RPS6KA2: variants seen among roughly 807,000 people sequenced by gnomAD.
The protein encoded by RPS6KA2 is ribosomal protein S6 kinase alpha-2.
RPS6KA2 carries 42 observed loss-of-function variants against 91.8 expected under a neutral mutation model. The observed-to-expected ratio is 0.46, with a 90% CI of 0.36 to 0.59. The LOEUF (loss-of-function observed/expected upper bound fraction) is 0.59. Ranked by LOEUF, RPS6KA2 falls within the 20% of genes least tolerant of loss-of-function variation. RPS6KA2 has a pLI of 0.00. For missense variants in RPS6KA2, 798 were observed against 978.5 expected (o/e 0.82, Z 2.46); for synonymous variants, 414 against 393.6 (o/e 1.05, Z -0.61).
chr6:166,515,203 G>A (rs1488531026), intron 3 of RPS6KA2, among the ~76,000 whole-genome samples: 1 of 152,214 alleles, frequency 6.6e-6, no homozygotes, highest in Non-Finnish European at 1.5e-5. Context: ...TGTGAAAGAA[G>A]TGTTTGGTGG....
intron 14 of RPS6KA2, among the ~76,000 whole-genome samples, chr6:166,440,821 G>A (rs1779496103): frequency 6.6e-6 from 1 of 152,198 alleles, no homozygotes; most frequent in Admixed American, 6.5e-5. Context: ...GATATTTCGC[G>A]GCAAAGTTAT....
Position 166,666,006 on chromosome 6 carries a change from C to T in RPS6KA2, c.124-127222G>A, listed in dbSNP as rs1380889962. 6.6e-6 allele frequency among the ~76,000 whole-genome samples: 1 copy of T among 152,156 alleles called. No individual in the cohort carries two copies. The highest frequency in any genetic ancestry group is 6.5e-5 in the Admixed American group (1 of 15,282). ...ATAGCTTAAATCAAGTGGAAAAGCCCACATCACCACAGGCTGCGATCTGAA... is the reference window on the plus strand; with the variant it reads ...ATAGCTTAAATCAAGTGGAAAAGCCTACATCACCACAGGCTGCGATCTGAA... On this transcript the variant is annotated intron_variant, in intron 2 of 21. Coordinates refer to the RPS6KA2 transcript ENST00000503859. The surrounding 1 kb of genome is among the most constrained non-coding windows in gnomAD (Gnocchi z 4.0).
chr6:166,506,999 C>T (rs1380172118), intron 5 of RPS6KA2, among the ~76,000 whole-genome samples: 1 of 152,038 alleles, frequency 6.6e-6, no homozygotes, highest in Non-Finnish European at 1.5e-5. Context: ...GAAGTTGCAT[C>T]CTGGAGGGTT....
chr6:166,861,825 G>C (rs1781052915), intron 1 of RPS6KA2, among the ~76,000 whole-genome samples: 1 of 152,240 alleles, frequency 6.6e-6, no homozygotes, highest in Non-Finnish European at 1.5e-5. Flanking sequence ...TAGACTTTAA[G>C]AAGCATCCTG....
At chr6:166,414,446 T>C (rs1778429818) in intron 19 of RPS6KA2, among the ~76,000 whole-genome samples, 1 of 152,226 alleles carries the variant, frequency 6.6e-6, no homozygotes, top group African/African-American at 2.4e-5. Flanking sequence ...TCCATTTCAT[T>C]GTAAAGTCGT....
At chr6:166,786,607 T>C (rs1261315324) in intron 2 of RPS6KA2, among the ~76,000 whole-genome samples, 1 of 152,200 alleles carries the variant, frequency 6.6e-6, no homozygotes, top group East Asian at 1.9e-4. Context: ...GCTAGGTTAA[T>C]AGATATTGCC....
At chr6:166,486,545 G>A (rs1468213478) in intron 10 of RPS6KA2, among the ~76,000 whole-genome samples, 6 of 152,226 alleles carry the variant, frequency 3.9e-5, no homozygotes, top group Non-Finnish European at 8.8e-5. Flanking sequence ...CTTGACTGGG[G>A]ACAGCGCTAT....
At chr6:166,511,785 A>C (rs1479435550) in intron 3 of RPS6KA2, among the ~76,000 whole-genome samples, 2 of 152,272 alleles carry the variant, frequency 1.3e-5, no homozygotes, top group Non-Finnish European at 2.9e-5. Context: ...AATAATAAAA[A>C]GAAAATAGAA....
At chr6:166,718,678 C>G (rs1014744258) in intron 2 of RPS6KA2, among the ~76,000 whole-genome samples, 1 of 152,206 alleles carries the variant, frequency 6.6e-6, no homozygotes, top group Admixed American at 6.5e-5. Flanking sequence ...TACTTCAATA[C>G]AGACGTATCT....
At chr6:166,503,268 G>A (rs1257225574) in intron 6 of RPS6KA2, among the ~76,000 whole-genome samples, 2 of 152,132 alleles carry the variant, frequency 1.3e-5, no homozygotes, top group Admixed American at 6.5e-5. Context: ...CCACGGACTG[G>A]TGGTGAAGTC....
chr6:166,489,016 GT>G, intron 9 of RPS6KA2, 95 bp from the exon 10 acceptor site: 3 of 1,042,766 alleles, frequency 2.9e-6, no homozygotes, highest in Non-Finnish European at 4.3e-6. Flanking sequence ...CTCAATCGCA[GT>G]CACCCAGAGC....
Position 166,486,756 on chromosome 6 carries a change from G to A in RPS6KA2, c.907+2077C>T, listed in dbSNP as rs1781425231. Among the ~76,000 whole-genome samples the A allele has an allele frequency of 2.6e-5, 4 of 152,180 alleles. No individual in the cohort carries two copies. In the South Asian group the frequency reaches 6.2e-4, roughly 24 times the overall value. On this transcript the variant is annotated intron_variant, in intron 10 of 20. Transcript: ENST00000265678. ...GTGAGTCTACACTCTCCAGCCATGT[G>A]GGCTGCAATTCAGTCTAGACCCTGG...
chr6:166,692,951 G>C (rs115483796), intron 2 of RPS6KA2, among the ~76,000 whole-genome samples: 13 of 152,190 alleles, frequency 8.5e-5, no homozygotes, highest in African/African-American at 2.9e-4. Context: ...AAACCTCCAC[G>C]GGAGTATGTA....
At chr6:166,562,387 CTCTAAGTATGCATT>C (rs1199647998) in intron 1 of RPS6KA2, among the ~76,000 whole-genome samples, 1 of 152,196 alleles carries the variant, frequency 6.6e-6, no homozygotes, top group Non-Finnish European at 1.5e-5. Context: ...ACATACAAGT[CTCTAAGTATGCATT>C]TCTATGTGCA....
At chr6:166,594,393 C>A (rs562722208) in intron 1 of RPS6KA2, among the ~76,000 whole-genome samples, 1 of 151,998 alleles carries the variant, frequency 6.6e-6, no homozygotes, top group South Asian at 2.1e-4. Context: ...GTAAGCAGAT[C>A]AAATATCTTA....
rs770116116 is a variant in RPS6KA2 at position 166,413,771 on chromosome 6, T to C, written c.2076+23A>G. Reference sequence around the variant, plus strand: ...TGGGTTTCCCATTCCCACCACTCTGTCCTCACTGTCGCCTGCCGGTACCTT... The same window carrying C: ...TGGGTTTCCCATTCCCACCACTCTGCCCTCACTGTCGCCTGCCGGTACCTT... On this transcript the variant is annotated intron_variant, in intron 20 of 20. Coordinates refer to ENST00000265678, the MANE Select transcript of RPS6KA2 (RefSeq NM_021135.6). 2.7e-5 allele frequency: 44 copies of C among 1,613,180 alleles called. No homozygotes were observed. The African/African-American group carries it at 5.6e-4, about 21-fold the overall frequency.
chr6:166,792,059 A>C (rs1055281480), intron 2 of RPS6KA2, among the ~76,000 whole-genome samples: 1 of 152,168 alleles, frequency 6.6e-6, no homozygotes, highest in Non-Finnish European at 1.5e-5. Flanking sequence ...AAAACTCTTC[A>C]AAAAATCAAT....
rs1782360271 is a variant in RPS6KA2 at position 166,508,846 on chromosome 6, T to C, written c.380-564A>G. Among the ~76,000 whole-genome samples the C allele has an allele frequency of 6.6e-6, 1 of 152,180 alleles. No individual in the cohort carries two copies. Among genetic ancestry groups the C allele is most frequent in the South Asian group, 2.1e-4 (1 of 4,832 alleles). On this transcript the variant is annotated intron_variant, in intron 4 of 20. Coordinates refer to ENST00000265678, the MANE Select transcript of RPS6KA2 (RefSeq NM_021135.6). The surrounding 1 kb of genome is among the most constrained non-coding windows in gnomAD (Gnocchi z 4.3). ...AGGTCTGGTCACTGTGAGCTATAAC[T>C]GCAGACTTTCTGTTTCAGGCCACAG...
chr6:166,504,670 T>C (rs997595802), intron 5 of RPS6KA2, 58 bp from the exon 6 acceptor site: 2 of 1,292,624 alleles, frequency 1.5e-6, no homozygotes, highest in Non-Finnish European at 1.1e-6. Context: ...TTATGGCTGG[T>C]GTGTTTTAAA....
Sources: gnomAD v4.1 joint callset for allele counts (sites outside exome capture counted in the v4.1 genomes callset) on GRCh38, gnomAD v4.1.1 for gene constraint, Gnocchi (gnomAD v3.1) non-coding constraint, MANE v1.5 for transcripts, NCBI Gene and HGNC (gene_info 2026-07-23, HGNC 2026-07-21) for gene names.